Variants in ADGRL3 observed in about 807,000 individuals in gnomAD.
The protein encoded by ADGRL3 is calcium-independent alpha-latrotoxin receptor 3.
Under a neutral mutation model 153.5 loss-of-function variants are expected in ADGRL3, and 62 were observed. The observed-to-expected ratio is 0.40, with a 90% CI of 0.33 to 0.50. The LOEUF (loss-of-function observed/expected upper bound fraction) is 0.50, where lower values mean the gene tolerates loss of function less well. Among genes scored for constraint, ADGRL3 ranks in the 20% least tolerant of loss-of-function variants. ADGRL3 has a pLI of 0.47. For missense variants in ADGRL3, 1,641 were observed against 1,859.4 expected (o/e 0.88, Z 2.16); for synonymous variants, 710 against 672.5 (o/e 1.06, Z -0.86).
chr4:61,593,608 GCCATTCTC>G (rs1579734962), intron 5 of ADGRL3, among the ~76,000 whole-genome samples: 1 of 152,056 alleles, frequency 6.6e-6, no homozygotes, highest in Non-Finnish European at 1.5e-5. Context: ...AATATGTCAT[GCCATTCTC>G]TCCTGGCCTG....
intron 5 of ADGRL3, among the ~76,000 whole-genome samples, chr4:61,664,503 A>G (rs964089399): frequency 2.6e-4 from 40 of 152,288 alleles, no homozygotes; most frequent in South Asian, 2.1e-4. Context: ...ACCTTTATAC[A>G]TGCATACAGC....
intron 5 of ADGRL3, among the ~76,000 whole-genome samples, chr4:61,631,481 A>G (rs187112515): frequency 1.3e-4 from 20 of 152,340 alleles, no homozygotes; most frequent in Admixed American, 1.2e-3. Flanking sequence ...ACCTGTTAGT[A>G]TCTCATAAGA....
At chr4:61,760,363 G>A (rs1373350938) in intron 8 of ADGRL3, among the ~76,000 whole-genome samples, 3 of 151,990 alleles carry the variant, frequency 2.0e-5, no homozygotes, top group South Asian at 2.1e-4. Flanking sequence ...AATGGCGGGC[G>A]CCCCTCCCCC....
chr4:61,896,096 A>G (rs1450147827), intron 11 of ADGRL3, among the ~76,000 whole-genome samples: 3 of 152,132 alleles, frequency 2.0e-5, no homozygotes, highest in Non-Finnish European at 2.9e-5. Context: ...TACAGCTATA[A>G]AAGTCCAAGA....
chr4:61,678,404 TA>T (rs1470157874), intron 6 of ADGRL3, among the ~76,000 whole-genome samples: 1 of 152,050 alleles, frequency 6.6e-6, no homozygotes, highest in African/African-American at 2.4e-5. Flanking sequence ...CATATTTTTT[TA>T]ATTAAAGAAT....
intron 9 of ADGRL3, among the ~76,000 whole-genome samples, chr4:61,867,410 G>A (rs1343684449): frequency 6.6e-6 from 1 of 150,706 alleles, no homozygotes; most frequent in African/African-American, 2.4e-5. Context: ...TGAGGCGGGA[G>A]GATCACTTGA....
At chr4:61,826,970 T>G (rs1311105632) in intron 9 of ADGRL3, among the ~76,000 whole-genome samples, 1 of 152,174 alleles carries the variant, frequency 6.6e-6, no homozygotes, top group Non-Finnish European at 1.5e-5. Context: ...CTCCGAAGAT[T>G]CCGTTTCGTT....
intron 6 of ADGRL3, among the ~76,000 whole-genome samples, chr4:61,689,354 A>C (rs1481584622): frequency 1.3e-5 from 2 of 152,092 alleles, no homozygotes; most frequent in Admixed American, 1.3e-4. Flanking sequence ...GCTGAACCTG[A>C]TTATATGAGT....
At chr4:61,527,918 T>C (rs1464783564) in intron 4 of ADGRL3, among the ~76,000 whole-genome samples, 2 of 152,144 alleles carry the variant, frequency 1.3e-5, no homozygotes, top group Admixed American at 1.3e-4. Flanking sequence ...TCCACTGTGT[T>C]CAAACTCCAT....
At chr4:61,820,777 T>C (rs1417470089) in intron 9 of ADGRL3, among the ~76,000 whole-genome samples, 5 of 152,056 alleles carry the variant, frequency 3.3e-5, no homozygotes, top group African/African-American at 1.2e-4. Context: ...TACATGAGAG[T>C]TCTTAGCAGG....
At chr4:61,312,772 T>C (rs193073141) in intron 1 of ADGRL3, among the ~76,000 whole-genome samples, 139 of 152,340 alleles carry the variant, frequency 9.1e-4, no homozygotes, top group African/African-American at 3.1e-3. Context: ...CTGTTACTCA[T>C]TGCTGGTGAG....
At chr4:61,282,759 C>T (rs1244199648) in intron 1 of ADGRL3, among the ~76,000 whole-genome samples, 1 of 151,874 alleles carries the variant, frequency 6.6e-6, no homozygotes, top group Non-Finnish European at 1.5e-5. Flanking sequence ...AAATGAATAG[C>T]ACTGATAAAA....
At chr4:61,471,632 T>G (rs1247576350) in intron 2 of ADGRL3, among the ~76,000 whole-genome samples, 1 of 151,954 alleles carries the variant, frequency 6.6e-6, no homozygotes, top group Non-Finnish European at 1.5e-5. Flanking sequence ...TACATTGAAT[T>G]TTAAGATCTG....
chr4:61,674,182 ATAGATAGATAG>A (rs2095108124), intron 5 of ADGRL3, among the ~76,000 whole-genome samples: 1 of 150,764 alleles, frequency 6.6e-6, no homozygotes, highest in Non-Finnish European at 1.5e-5. Context: ...AGATAGATAG[ATAGATAGATAG>A]ATGTGTATAG....
At chr4:61,674,159 T>C (rs1457341225) in intron 5 of ADGRL3, among the ~76,000 whole-genome samples, 1 of 116,890 alleles carries the variant, frequency 8.6e-6, no homozygotes, top group Admixed American at 8.9e-5. Context: ...GATAGATAGA[T>C]AGATAGATAG....
At chr4:61,579,261 T>A (rs879522194) in intron 4 of ADGRL3, among the ~76,000 whole-genome samples, 6 of 152,070 alleles carry the variant, frequency 3.9e-5, no homozygotes, top group Non-Finnish European at 7.4e-5. Flanking sequence ...TTTTAAAAAA[T>A]TTCTTTTGAA....
At chr4:61,243,259 TA>T (rs973256110) in intron 1 of ADGRL3, among the ~76,000 whole-genome samples, 1 of 152,094 alleles carries the variant, frequency 6.6e-6, no homozygotes, top group African/African-American at 2.4e-5. Flanking sequence ...AGATCTCAGT[TA>T]AAAACCAAAG....
At chr4:61,915,242 G>T (rs2098739947) in intron 13 of ADGRL3, among the ~76,000 whole-genome samples, 1 of 148,278 alleles carries the variant, frequency 6.7e-6, no homozygotes, top group Non-Finnish European at 1.5e-5. Flanking sequence ...ATATATAGGT[G>T]TGTTTATATA....
chr4:61,767,108 G>A (rs369124379), intron 8 of ADGRL3, among the ~76,000 whole-genome samples: 8,753 of 151,816 alleles, frequency 0.058, 317 homozygotes, highest in Non-Finnish European at 0.085. Flanking sequence ...ATGATTGGTC[G>A]CCAAGGAGGG....
Sources: gnomAD v4.1 joint callset for allele counts (sites outside exome capture counted in the v4.1 genomes callset) on GRCh38, gnomAD v4.1.1 for gene constraint, MANE v1.5 for transcripts, NCBI Gene and HGNC (gene_info 2026-07-23, HGNC 2026-07-21) for gene names.